PPFIA2: variants seen among roughly 807,000 people sequenced by gnomAD.
The protein encoded by PPFIA2 is PPFI scaffold protein A2, also known as liprin-alpha-2.
In PPFIA2, 46 loss-of-function variants were observed where a neutral mutation model predicts 175.5. The observed-to-expected ratio is 0.26, with a 90% confidence interval of 0.21 to 0.34. The LOEUF (loss-of-function observed/expected upper bound fraction) is 0.34. Among genes scored for constraint, PPFIA2 ranks in the 10% least tolerant of loss-of-function variants. The pLI is 1.00. For synonymous variants in PPFIA2, 568 were observed against 511.4 expected, an observed-to-expected ratio of 1.11 and a Z score of -1.49; for missense variants, 1,179 against 1,506.1, an observed-to-expected ratio of 0.78 and a Z score of 3.60.
At chr12:81,458,197 A>G (rs1214262536) in intron 4 of PPFIA2, among the ~76,000 whole-genome samples, 1 of 152,192 alleles carries the variant, frequency 6.6e-6, no homozygotes. Context: ...AACAGCTCCC[A>G]AAATCTTACA....
At chr12:81,423,288 ATAC>A (rs1323426859) in intron 7 of PPFIA2, among the ~76,000 whole-genome samples, 4 of 152,150 alleles carry the variant, frequency 2.6e-5, no homozygotes, top group Admixed American at 6.5e-5. Flanking sequence ...AAAATCAGAG[ATAC>A]TACAAGAGAA....
intron 4 of PPFIA2, among the ~76,000 whole-genome samples, chr12:81,645,704 A>G (rs2065964402): frequency 6.6e-6 from 1 of 152,254 alleles, no homozygotes; most frequent in South Asian, 2.1e-4. Flanking sequence ...TTATCAGCAG[A>G]ACATGGAGCC....
Position 81,553,019 on chromosome 12 carries a change from G to A in PPFIA2, c.304-95153C>T, listed in dbSNP as rs116479046. Among the ~76,000 whole-genome samples, 156 of 151,372 alleles carry A rather than the reference G, an allele frequency of 1.0e-3. 2 individuals carry two copies. Among genetic ancestry groups the A allele is most frequent in the African/African-American group, 3.6e-3 (149 of 40,906 alleles). On this transcript the variant is annotated intron_variant, in intron 4 of 32. Coordinates refer to ENST00000549396, the MANE Select transcript of PPFIA2 (RefSeq NM_003625.5). The stretch of plus-strand genomic sequence containing the variant: ...ACTGAGGACACAGAAATCAAAGACC[G>A]ATTTTTTTTTCCCCCTAATGAAAGA...
At chr12:81,557,894 T>C (rs894908386) in intron 4 of PPFIA2, among the ~76,000 whole-genome samples, 1 of 152,062 alleles carries the variant, frequency 6.6e-6, no homozygotes, top group Non-Finnish European at 1.5e-5. Context: ...CCATAAATTA[T>C]TTTTCTAATA....
At chr12:81,692,725 A>G (rs1170722690) in intron 3 of PPFIA2, among the ~76,000 whole-genome samples, 1 of 152,142 alleles carries the variant, frequency 6.6e-6, no homozygotes, top group Non-Finnish European at 1.5e-5. Flanking sequence ...ATCAATATGA[A>G]TCATAAAATT....
intron 24 of PPFIA2, among the ~76,000 whole-genome samples, chr12:81,286,242 A>G (rs1405267131): frequency 1.3e-5 from 2 of 152,082 alleles, no homozygotes; most frequent in Non-Finnish European, 2.9e-5. Context: ...TAAATTACAA[A>G]TGTTACCATA....
chr12:81,295,136 T>C, intron 23 of PPFIA2, 101 bp from the exon 24 acceptor site: 1 of 1,011,718 alleles, frequency 9.9e-7, no homozygotes, highest in Non-Finnish European at 1.5e-6. Context: ...ATACATGACC[T>C]CACCCCACGA....
In PPFIA2 at chr12:81,576,964, T is replaced by C. The variant is rs530147721; in HGVS notation, c.303+99827A>G. On this transcript the variant is annotated intron_variant, in intron 4 of 32. Transcript: ENST00000549396. The stretch of plus-strand genomic sequence containing the variant: ...TTTTTTATAATACAGCTGAAGATAC[T>C]AGAATTTCACATACATATAATATTT... Among the ~76,000 whole-genome samples, 39 of 151,942 alleles carry C rather than the reference T, an allele frequency of 2.6e-4. 2 individuals carry two copies. The South Asian group carries it at 7.9e-3, about 31-fold the overall frequency.
chr12:81,471,549 T>C (rs1022245709), intron 4 of PPFIA2, among the ~76,000 whole-genome samples: 5 of 151,934 alleles, frequency 3.3e-5, no homozygotes. Flanking sequence ...CATCTATTGA[T>C]GGACATTTAG....
chr12:81,689,077 C>T (rs993624688), intron 3 of PPFIA2, among the ~76,000 whole-genome samples: 1 of 150,532 alleles, frequency 6.6e-6, no homozygotes. Flanking sequence ...AAGTAATAGC[C>T]TTGGAGGAAT....
chr12:81,570,235 G>T (rs1238155539), intron 4 of PPFIA2, among the ~76,000 whole-genome samples: 2 of 152,164 alleles, frequency 1.3e-5, no homozygotes, highest in East Asian at 3.9e-4. Flanking sequence ...TAGAACAAGA[G>T]ATGCTGTTTT....
At chr12:81,459,187 T>G (rs1338747499) in intron 4 of PPFIA2, among the ~76,000 whole-genome samples, 1 of 152,154 alleles carries the variant, frequency 6.6e-6, no homozygotes, top group African/African-American at 2.4e-5. Flanking sequence ...TAGGGATAAA[T>G]GTTTTCTTCC....
chr12:81,503,911 AAAATACAATTTTTAATTGTATTTGAGC>A (rs1237402199), intron 4 of PPFIA2, among the ~76,000 whole-genome samples: 1 of 152,050 alleles, frequency 6.6e-6, no homozygotes, highest in Non-Finnish European at 1.5e-5. Context: ...AGCATTTAAA[AAAATACAATTTTTAATTGTATTTGAGC>A]AAATACAATT....
intron 4 of PPFIA2, among the ~76,000 whole-genome samples, chr12:81,611,193 T>C (rs1014256786): frequency 6.6e-6 from 1 of 152,044 alleles, no homozygotes; most frequent in African/African-American, 2.4e-5. Flanking sequence ...TCGGTTTCTT[T>C]TGGTAGGGGT....
intron 3 of PPFIA2, among the ~76,000 whole-genome samples, chr12:81,739,018 A>C (rs2082005342): frequency 6.6e-6 from 1 of 151,948 alleles, no homozygotes; most frequent in Non-Finnish European, 1.5e-5. Context: ...CATGATGATA[A>C]AAGGCTCAAC....
chr12:81,394,789 C>G (rs1033976184), intron 8 of PPFIA2, among the ~76,000 whole-genome samples: 6 of 149,762 alleles, frequency 4.0e-5, no homozygotes, highest in African/African-American at 1.5e-4. Flanking sequence ...CCTGCATATT[C>G]TGCATGTGTC....
chr12:81,447,284 A>G (rs948150729), intron 5 of PPFIA2, among the ~76,000 whole-genome samples: 1 of 152,162 alleles, frequency 6.6e-6, no homozygotes, highest in Non-Finnish European at 1.5e-5. Context: ...CATAAATCCA[A>G]GCTGTTTTAC....
intron 16 of PPFIA2, among the ~76,000 whole-genome samples, chr12:81,353,589 T>C (rs115954805): frequency 3.9e-5 from 6 of 152,330 alleles, no homozygotes; most frequent in African/African-American, 1.4e-4. Context: ...ATATGTTTTA[T>C]AGTTCAATCA....
chr12:81,413,731 T>C (rs2044419918), intron 7 of PPFIA2, among the ~76,000 whole-genome samples: 1 of 151,840 alleles, frequency 6.6e-6, no homozygotes, highest in Admixed American at 6.6e-5. Flanking sequence ...GTATTTGCTT[T>C]AGATTTAGAA....
Sources: allele counts gnomAD v4.1 joint callset (sites outside exome capture counted in the v4.1 genomes callset), GRCh38; gene constraint gnomAD v4.1.1; transcripts MANE v1.5; gene names NCBI Gene and HGNC (gene_info 2026-07-23, HGNC 2026-07-21).